The following BAIAP2 variants were observed in gnomAD, a reference collection of about 807,000 sequenced individuals.
BAIAP2 encodes BAR/IMD domain-containing adapter protein 2.
In BAIAP2, 18 loss-of-function variants were observed where a neutral mutation model predicts 63.0. The ratio of observed to expected loss-of-function variants is 0.29; its 90% CI spans 0.20 to 0.42. The LOEUF (loss-of-function observed/expected upper bound fraction) is 0.42, where lower values mean the gene tolerates loss of function less well. Ranked by LOEUF, BAIAP2 falls within the 10% of genes least tolerant of loss-of-function variation. The pLI is 1.00. For synonymous variants in BAIAP2, 386 were observed against 307.6 expected (o/e 1.25, Z -2.67); for missense variants, 610 against 734.3 (o/e 0.83, Z 1.96).
At chr17:81,050,936 C>T (rs1046005734) in intron 1 of BAIAP2, among the ~76,000 whole-genome samples, 2 of 151,844 alleles carry the variant, frequency 1.3e-5, no homozygotes, top group Admixed American at 6.6e-5. Flanking sequence ...CCGCCAGTCC[C>T]GGTCTGCATG....
At chr17:81,080,931 G>A (rs1371548580) in intron 3 of BAIAP2, among the ~76,000 whole-genome samples, 1 of 152,244 alleles carries the variant, frequency 6.6e-6, no homozygotes, top group Non-Finnish European at 1.5e-5. Flanking sequence ...TCACCTCTTT[G>A]TGAACTTGCT....
chr17:81,106,368 A>G (rs1401732954), intron 11 of BAIAP2, among the ~76,000 whole-genome samples: 5 of 152,144 alleles, frequency 3.3e-5, no homozygotes, highest in African/African-American at 1.2e-4. Context: ...GGGACACCAG[A>G]GCAGGCAGCA....
At chr17:81,110,175 A>G (rs2059738136) in intron 13 of BAIAP2, 1 of 985,546 alleles carries the variant, frequency 1.0e-6, no homozygotes, top group South Asian at 4.7e-5. Flanking sequence ...TGGTTTAGTA[A>G]AAGCCTCCCA....
intron 8 of BAIAP2, 88 bp downstream of exon 8, chr17:81,103,811 C>T (rs1013565343): frequency 4.4e-6 from 7 of 1,588,316 alleles, no homozygotes; most frequent in African/African-American, 1.3e-5. Context: ...GTGCAGAGTC[C>T]AGGGGCCCCT....
chr17:81,091,689 GGGGCTGCC>G (rs1174374740), intron 6 of BAIAP2, among the ~76,000 whole-genome samples: 6 of 152,248 alleles, frequency 3.9e-5, no homozygotes, highest in South Asian at 2.1e-4. Flanking sequence ...CGGGCAGGAG[GGGGCTGCC>G]GGACTGCCGG....
chr17:81,085,713 C>G lies in BAIAP2; in HGVS notation c.339C>G (p.Ser113=). The G allele has an allele frequency of 6.2e-7, 1 of 1,613,592 alleles. No homozygotes were observed. The highest frequency in any genetic ancestry group is 8.5e-7 in the Non-Finnish European group (1 of 1,179,882). Residue 113 remains serine, a synonymous_variant, in exon 5 of 14, where the codon TCC becomes TCG. Transcript: ENST00000428708. ...TQLEQKVELD[S]RYLSAALKKY... Reference sequence around the variant, plus strand: ...TGGAGCAGAAGGTGGAGCTGGACTCCAGGTATCTGAGTGTAAGTGCACCCT... The same window carrying G: ...TGGAGCAGAAGGTGGAGCTGGACTCGAGGTATCTGAGTGTAAGTGCACCCT...
Position 81,116,407 on chromosome 17 carries a change from T to C in BAIAP2, c.*568T>C, listed in dbSNP as rs1242818159. The C allele has an allele frequency of 2.1e-6, 3 of 1,442,946 alleles. No homozygotes were observed. The highest frequency in any genetic ancestry group is 2.8e-6 in the Non-Finnish European group (3 of 1,058,578). The allele number at this position is 1,442,946 out of a possible 1,614,324, so 89.4% of individuals were successfully genotyped here. On this transcript the variant is annotated 3_prime_UTR_variant, in exon 14 of 14. Coordinates refer to ENST00000428708, the MANE Select transcript of BAIAP2 (RefSeq NM_001144888.2). ...CCTCGGTGGGGCTCTCCTGGGCCCC[T>C]CACTCCCACTGGCAATGTCACAAGG...
chr17:81,055,627 G>A (rs1042126394), intron 2 of BAIAP2, among the ~76,000 whole-genome samples: 1 of 139,996 alleles, frequency 7.1e-6, no homozygotes, highest in African/African-American at 2.6e-5. Context: ...CTGCAGTGGC[G>A]CTATCTTGGC....
At chr17:81,107,235 G>T in intron 12 of BAIAP2, 1 of 304,092 alleles carries the variant, frequency 3.3e-6, no homozygotes, top group Non-Finnish European at 6.1e-6. Flanking sequence ...TGGCCTAGAG[G>T]TGGGCCTGGA....
intron 8 of BAIAP2, 86 bp downstream of exon 8, chr17:81,103,809 T>G: frequency 1.9e-6 from 3 of 1,585,454 alleles, no homozygotes; most frequent in South Asian, 2.2e-5. Flanking sequence ...GGGTGCAGAG[T>G]CCAGGGGCCC....
At chr17:81,084,040 C>T (rs61326991) in intron 3 of BAIAP2, 34,205 of 152,208 alleles carry the variant, frequency 0.22, 4,280 homozygotes, top group East Asian at 0.49. Flanking sequence ...CGTTGATGTC[C>T]AGGCTGCAAA....
intron 3 of BAIAP2, among the ~76,000 whole-genome samples, chr17:81,084,504 G>A (rs1311183586): frequency 1.3e-5 from 2 of 152,092 alleles, no homozygotes; most frequent in African/African-American, 2.4e-5. Context: ...ATGAGGACGC[G>A]TGTTTGCGCT....
At chr17:81,043,193 G>T (rs2047326238) in intron 1 of BAIAP2, among the ~76,000 whole-genome samples, 1 of 152,230 alleles carries the variant, frequency 6.6e-6, no homozygotes, top group Non-Finnish European at 1.5e-5. Context: ...ACCAGTGGGT[G>T]TGGTGGAGGC....
Position 81,104,726 on chromosome 17 carries a change from C to T in BAIAP2, c.1268+11C>T, listed in dbSNP as rs368806968. The T allele has an allele frequency of 5.1e-6, 8 of 1,555,024 alleles. 1 individual carries two copies. In the Admixed American group the frequency reaches 1.5e-4, roughly 29 times the overall value. On this transcript the variant is annotated intron_variant, in intron 10 of 13. Transcript: ENST00000428708. Reference sequence around the variant, plus strand: ...TGAGAAGACCAAGATGTGAGTGTTTCTCGGGGGCGGGCTCCAGGCAGCCGC... The same window carrying T: ...TGAGAAGACCAAGATGTGAGTGTTTTTCGGGGGCGGGCTCCAGGCAGCCGC...
chr17:81,103,415 G>A (rs2058748460), intron 7 of BAIAP2, 87 bp from the exon 8 acceptor site: 5 of 1,248,348 alleles, frequency 4.0e-6, no homozygotes, highest in Non-Finnish European at 5.6e-6. Flanking sequence ...GCCCCAGAGA[G>A]TGCTCAGGGA....
chr17:81,111,055 C>T (rs1001134920), intron 13 of BAIAP2: 34 of 1,486,310 alleles, frequency 2.3e-5, no homozygotes, highest in Admixed American at 5.1e-5. Context: ...GGGGAGGGCC[C>T]GGCTGCATGG....
intron 6 of BAIAP2, among the ~76,000 whole-genome samples, chr17:81,088,256 G>A (rs1054243416): frequency 2.4e-4 from 36 of 152,148 alleles, no homozygotes; most frequent in African/African-American, 8.7e-4. Flanking sequence ...TCCTGGGAAT[G>A]TCCCCAGCTT....
chr17:81,041,459 C>T (rs1403208459), intron 1 of BAIAP2, among the ~76,000 whole-genome samples: 8 of 152,242 alleles, frequency 5.3e-5, no homozygotes, highest in Admixed American at 3.3e-4. Flanking sequence ...CTGTCAGTTA[C>T]AACAGGGTGC....
At chr17:81,038,472 G>C (rs1043056933) in intron 1 of BAIAP2, among the ~76,000 whole-genome samples, 2 of 152,236 alleles carry the variant, frequency 1.3e-5, no homozygotes, top group Non-Finnish European at 2.9e-5. Context: ...AGAGCATCTG[G>C]GGAGGAGGAG....
Sources: allele counts gnomAD v4.1 joint callset (sites outside exome capture counted in the v4.1 genomes callset), GRCh38; gene constraint gnomAD v4.1.1; transcripts MANE v1.5; gene names NCBI Gene and HGNC (gene_info 2026-07-23, HGNC 2026-07-21).